Variants in DMD observed in about 807,000 individuals in gnomAD.
DMD encodes the protein mutant dystrophin.
A neutral mutation model predicts 330.1 loss-of-function variants in DMD; 63 were observed. The ratio of observed to expected loss-of-function variants is 0.19; its 90% CI spans 0.16 to 0.24. The LOEUF is 0.24. Among genes scored for constraint, DMD ranks in the 10% least tolerant of loss-of-function variants. DMD has a pLI of 1.00. For synonymous variants in DMD, 1,223 were observed against 959.8 expected (o/e 1.27, Z -5.07); for missense variants, 3,344 against 2,684.1 (o/e 1.25, Z -5.43).
chrX:33,117,968 T>C (rs5928178), intron 1 of DMD, among the ~76,000 whole-genome samples: 46,516 of 110,157 alleles, frequency 0.42, 8,132 homozygotes, highest in Non-Finnish European at 0.54. Flanking sequence ...TCTTGAAATG[T>C]AGACAATTCA....
rs1413556525 is a variant in DMD at position 31,355,144 on chromosome X, C to T, written c.9085-6510G>A. ...ACATCATGGCTCTTAGAAATTATTT[C>T]AAATAAATTTATCTAAATGTAAATG... On this transcript the variant is annotated intron_variant, in intron 60 of 78. Transcript: ENST00000357033. Among the ~76,000 whole-genome samples the T allele has an allele frequency of 2.7e-5, 3 of 112,288 alleles. 1 individual carries two copies. Among genetic ancestry groups the T allele is most frequent in the Middle Eastern group, 8.3e-3 (2 of 240 alleles).
intron 1 of DMD, among the ~76,000 whole-genome samples, chrX:33,194,383 T>C (rs1405700722): frequency 1.8e-5 from 2 of 110,549 alleles, no homozygotes; most frequent in East Asian, 5.7e-4. Context: ...TTCTGGCTGG[T>C]CAATTCTCTG....
rs2094301506 is a variant in DMD, at chrX:31,894,350, C to T, written c.6913-18977G>A. On this transcript the variant is annotated intron_variant, in intron 47 of 78. Transcript: ENST00000357033. Reference sequence around the variant, plus strand: ...ACACCAAATGGCTAACAATTTTGTCCAGCCCATGGGCTTTGCGAGTGGGGC... The same window carrying T: ...ACACCAAATGGCTAACAATTTTGTCTAGCCCATGGGCTTTGCGAGTGGGGC... Among the ~76,000 whole-genome samples the T allele has an allele frequency of 2.7e-5, 3 of 111,633 alleles. No individual in the cohort carries two copies. The South Asian group carries it at 1.1e-3, about 42-fold the overall frequency.
chrX:32,739,776 C>T lies in DMD; in HGVS notation c.650-40483G>A, dbSNP rs777353595. On this transcript the variant is annotated intron_variant, in intron 7 of 78. Coordinates refer to ENST00000357033, the MANE Select transcript of DMD (RefSeq NM_004006.3). ...GGGCAGCAGTTCTCATAGTGTGGTT[C>T]TCAGACATCAGAATCAACAGCAACT... Among the ~76,000 whole-genome samples, 3 of 110,723 alleles carry T rather than the reference C, an allele frequency of 2.7e-5. No individual in the cohort carries two copies. The East Asian group carries it at 8.7e-4, about 32-fold the overall frequency.
Position 32,448,450 on chromosome X carries a change from A to G in DMD, c.3786+6T>C. On this transcript the variant is annotated splice_donor_region_variant and intron_variant, in intron 27 of 78. Transcript: ENST00000357033. The stretch of plus-strand genomic sequence containing the variant: ...TCATTGACAAAGACCAAGAAAAGCA[A>G]CTGACTTCCAAAGTCTTGCATTTCC... 8.3e-7 allele frequency: 1 copy of G among 1,207,500 alleles called. No homozygotes were observed. Among genetic ancestry groups the G allele is most frequent in the Non-Finnish European group, 1.1e-6 (1 of 892,312 alleles).
chrX:32,297,256 TTTATTTA>T (rs1479849682), intron 42 of DMD, among the ~76,000 whole-genome samples: 1 of 99,761 alleles, frequency 1.0e-5, no homozygotes, highest in Non-Finnish European at 2.0e-5. Flanking sequence ...TATTTATTTA[TTTATTTA>T]TTTATTTATT....
chrX:31,506,988 A>G (rs1330265293), intron 56 of DMD, among the ~76,000 whole-genome samples: 1 of 111,918 alleles, frequency 8.9e-6, no homozygotes, highest in African/African-American at 3.2e-5. Context: ...ATGCCAAGAG[A>G]GAAATTTATG....
rs566228134 is a variant in DMD at position 31,734,740 on chromosome X, A to T, written c.7543-4992T>A. Among the ~76,000 whole-genome samples the T allele has an allele frequency of 3.3e-4, 37 of 111,372 alleles. No homozygotes were observed. In the South Asian group the frequency reaches 4.2e-3, roughly 13 times the overall value. ...CGAGTAGTGATGACAGGCAATAAAAAAGCAATTGCAACAACCTGAGGTATT... is the reference window on the plus strand; with the variant it reads ...CGAGTAGTGATGACAGGCAATAAAATAGCAATTGCAACAACCTGAGGTATT... On this transcript the variant is annotated intron_variant, in intron 51 of 78. Transcript: ENST00000357033.
intron 11 of DMD, among the ~76,000 whole-genome samples, chrX:32,619,338 C>G (rs1394209971): frequency 1.8e-5 from 2 of 110,828 alleles, no homozygotes; most frequent in African/African-American, 6.6e-5. Flanking sequence ...TATGGAGATA[C>G]TTTTCAAGGG....
intron 55 of DMD, among the ~76,000 whole-genome samples, chrX:31,620,414 A>ATTTT (rs796904162): frequency 1.0e-5 from 1 of 97,650 alleles, no homozygotes; most frequent in African/African-American, 3.8e-5. Context: ...CCATGACATA[A>ATTTT]TTTTTTTTTT....
chrX:32,322,210 T>G (rs1455663489), intron 41 of DMD, among the ~76,000 whole-genome samples: 9 of 111,346 alleles, frequency 8.1e-5, no homozygotes, highest in African/African-American at 2.9e-4. Flanking sequence ...ATAGAAAATT[T>G]TCCAGAGCTA....
At chrX:31,426,830 A>G (rs1007718106) in intron 60 of DMD, among the ~76,000 whole-genome samples, 1 of 112,378 alleles carries the variant, frequency 8.9e-6, no homozygotes, top group Non-Finnish European at 1.9e-5. Flanking sequence ...TAGTCTGTTA[A>G]AAACTAAACA....
intron 62 of DMD, among the ~76,000 whole-genome samples, chrX:31,298,981 AAACAAAACAC>A (rs1279586596): frequency 1.8e-5 from 2 of 111,466 alleles, no homozygotes; most frequent in Non-Finnish European, 3.8e-5. Context: ...TTTTTTTGGG[AAACAAAACAC>A]AACAAAACAC....
At chrX:31,237,555 G>T (rs1285760680) in intron 63 of DMD, among the ~76,000 whole-genome samples, 3 of 111,422 alleles carry the variant, frequency 2.7e-5, no homozygotes, top group Non-Finnish European at 5.6e-5. Context: ...TAAATCAATG[G>T]TAGGAGATTT....
chrX:32,882,296 C>T (rs890048086), intron 2 of DMD, among the ~76,000 whole-genome samples: 1 of 111,686 alleles, frequency 9.0e-6, no homozygotes, highest in East Asian at 2.8e-4. Flanking sequence ...GCCCTAGGAG[C>T]GGTAGCTACT....
At chrX:32,121,619 G>GCATATATATA (rs2096635460) in intron 44 of DMD, among the ~76,000 whole-genome samples, 1 of 28,715 alleles carries the variant, frequency 3.5e-5, no homozygotes, top group Non-Finnish European at 6.1e-5. Context: ...AAATATGTGT[G>GCATATATATA]CATATATATA....
intron 2 of DMD, among the ~76,000 whole-genome samples, chrX:32,956,369 G>A (rs1177907496): frequency 7.2e-5 from 8 of 111,562 alleles, no homozygotes; most frequent in East Asian, 2.8e-4. Flanking sequence ...AGTTCTCCAC[G>A]TAGAGATCTT....
intron 30 of DMD, among the ~76,000 whole-genome samples, chrX:32,407,907 G>C (rs1435987437): frequency 1.0e-5 from 1 of 99,829 alleles, no homozygotes; most frequent in Non-Finnish European, 2.0e-5. Flanking sequence ...CTCACTCATA[G>C]GTGGGAATTG....
At chrX:31,749,509 T>C (rs1431731661) in intron 51 of DMD, among the ~76,000 whole-genome samples, 1 of 107,470 alleles carries the variant, frequency 9.3e-6, no homozygotes, top group Non-Finnish European at 1.9e-5. Flanking sequence ...TTCCATGGTG[T>C]ATATGTGCCA....
Sources: allele counts gnomAD v4.1 joint callset (sites outside exome capture counted in the v4.1 genomes callset), GRCh38; gene constraint gnomAD v4.1.1; transcripts MANE v1.5; gene names NCBI Gene and HGNC (gene_info 2026-07-23, HGNC 2026-07-21).